CDH18: variants seen among roughly 807,000 people sequenced by gnomAD.
The protein encoded by CDH18 is cadherin 18.
In CDH18, 31 loss-of-function variants were observed where a neutral mutation model predicts 67.9. That is an observed-to-expected ratio of 0.46 (90% CI 0.34 to 0.62). The LOEUF is 0.62. Among genes scored for constraint, CDH18 ranks in the 20% least tolerant of loss-of-function variants. The probability of loss-of-function intolerance (pLI) is 0.01; values close to 1 mark genes in which losing one functional copy is unlikely to be tolerated. For missense variants in CDH18, 890 were observed against 975.5 expected, an observed-to-expected ratio of 0.91 and a Z score of 1.17; for synonymous variants, 362 against 347.2, an observed-to-expected ratio of 1.04 and a Z score of -0.48.
chr5:19,796,563 A>T (rs1280062192), intron 3 of CDH18, among the ~76,000 whole-genome samples: 1 of 152,140 alleles, frequency 6.6e-6, no homozygotes, highest in Non-Finnish European at 1.5e-5. Flanking sequence ...GACATACCTT[A>T]TTGGTTGGCT....
At chr5:19,953,043 A>T (rs1008124504) in intron 2 of CDH18, among the ~76,000 whole-genome samples, 1 of 152,076 alleles carries the variant, frequency 6.6e-6, no homozygotes, top group African/African-American at 2.4e-5. Flanking sequence ...ATATTTTAAG[A>T]CTCAACTTCT....
Position 19,473,103 on chromosome 5 carries a change from C to T in CDH18, c.*123G>A. On this transcript the variant is annotated 3_prime_UTR_variant, in exon 13 of 13. Transcript: ENST00000382275. ...ATCATGAAAAGGGCACTTGTTTCTA[C>T]AGGAGCTGTGTCCAGCTTCCTCAGT... The T allele has an allele frequency of 9.1e-7, 1 of 1,099,560 alleles. No individual in the cohort carries two copies. The highest frequency in any genetic ancestry group is 1.3e-6 in the Non-Finnish European group (1 of 773,658). 68.1% of individuals were successfully genotyped at this position (1,099,560 alleles called of 1,614,324 possible). A position where few individuals can be genotyped will look rare whatever the true frequency, so the allele number is the denominator to read the frequency against.
intron 2 of CDH18, among the ~76,000 whole-genome samples, chr5:20,163,342 A>G (rs1736043128): frequency 6.6e-6 from 1 of 152,152 alleles, no homozygotes; most frequent in Non-Finnish European, 1.5e-5. Flanking sequence ...TTTTCTAAAA[A>G]AAGTATCATT....
intron 5 of CDH18, among the ~76,000 whole-genome samples, chr5:19,662,665 G>A (rs1206214156): frequency 6.6e-6 from 1 of 151,924 alleles, no homozygotes; most frequent in African/African-American, 2.4e-5. Context: ...CATATGTGCA[G>A]CACTACATCT....
intron 1 of CDH18, among the ~76,000 whole-genome samples, chr5:20,500,451 T>G (rs1017157017): frequency 3.9e-5 from 6 of 151,976 alleles, no homozygotes; most frequent in Non-Finnish European, 5.9e-5. Context: ...ATTATAGGAG[T>G]GAATTGGCCA....
chr5:20,533,249 C>T (rs1167565455), intron 1 of CDH18, among the ~76,000 whole-genome samples: 1 of 152,018 alleles, frequency 6.6e-6, no homozygotes, highest in Non-Finnish European at 1.5e-5. Context: ...AGAAGAAACC[C>T]ACCCTGCCAA....
intron 2 of CDH18, among the ~76,000 whole-genome samples, chr5:20,225,832 G>T (rs963065105): frequency 6.6e-6 from 1 of 152,098 alleles, no homozygotes; most frequent in African/African-American, 2.4e-5. Flanking sequence ...ATGTGAAATG[G>T]AAACTTTTAA....
chr5:19,640,257 A>C (rs976303327), intron 5 of CDH18, among the ~76,000 whole-genome samples: 1 of 152,288 alleles, frequency 6.6e-6, no homozygotes, highest in South Asian at 2.1e-4. Context: ...TTTAAAAACT[A>C]ATCATTAAAA....
intron 2 of CDH18, among the ~76,000 whole-genome samples, chr5:20,221,064 A>T (rs2126448370): frequency 6.6e-6 from 1 of 152,170 alleles, no homozygotes; most frequent in Non-Finnish European, 1.5e-5. Flanking sequence ...CAGTTTGGAC[A>T]TTTCTTGAAA....
chr5:19,512,023 C>T (rs993296978), intron 10 of CDH18, among the ~76,000 whole-genome samples: 1 of 152,138 alleles, frequency 6.6e-6, no homozygotes, highest in East Asian at 1.9e-4. Context: ...CAGGACCATG[C>T]TGCTTTGTGC....
chr5:20,348,825 T>C (rs1474407625), intron 1 of CDH18, among the ~76,000 whole-genome samples: 1 of 152,140 alleles, frequency 6.6e-6, no homozygotes, highest in Non-Finnish European at 1.5e-5. Context: ...TATAAGCAGA[T>C]CCATTGTTCC....
chr5:20,442,121 A>G (rs1212123562), intron 1 of CDH18, among the ~76,000 whole-genome samples: 1 of 152,002 alleles, frequency 6.6e-6, no homozygotes, highest in Admixed American at 6.5e-5. Flanking sequence ...GCTGCATTAC[A>G]AGAGTCCGTG....
intron 1 of CDH18, among the ~76,000 whole-genome samples, chr5:20,363,738 T>G (rs1005445031): frequency 2.0e-5 from 3 of 152,034 alleles, no homozygotes; most frequent in Non-Finnish European, 4.4e-5. Flanking sequence ...TTTTTACACT[T>G]TCTCAGTTCC....
intron 3 of CDH18, among the ~76,000 whole-genome samples, chr5:19,822,680 T>A (rs1008705995): frequency 2.0e-5 from 3 of 152,024 alleles, no homozygotes; most frequent in Non-Finnish European, 4.4e-5. Flanking sequence ...CTTCACAAGG[T>A]AATAGAATAT....
intron 2 of CDH18, among the ~76,000 whole-genome samples, chr5:20,020,823 C>T (rs1738348442): frequency 6.6e-6 from 1 of 152,152 alleles, no homozygotes; most frequent in South Asian, 2.1e-4. Context: ...AAACAGAGTT[C>T]CCACTGGAGC....
intron 2 of CDH18, among the ~76,000 whole-genome samples, chr5:19,895,944 G>A (rs1401986132): frequency 6.6e-6 from 1 of 151,972 alleles, no homozygotes; most frequent in Non-Finnish European, 1.5e-5. Flanking sequence ...AAATCTAAAC[G>A]TGGAAGACTG....
intron 1 of CDH18, among the ~76,000 whole-genome samples, chr5:20,511,416 T>C (rs1264538163): frequency 1.3e-5 from 2 of 152,062 alleles, no homozygotes; most frequent in Non-Finnish European, 2.9e-5. Context: ...ATGGATAAAC[T>C]GTCCCAGAGA....
rs1174080492 is a variant in CDH18, at chr5:20,278,707, G to A, written c.-579-23202C>T. 3.3e-5 allele frequency among the ~76,000 whole-genome samples: 5 copies of A among 152,100 alleles called. 1 individual carries two copies. The highest frequency in any genetic ancestry group is 3.9e-4 in the East Asian group (2 of 5,178). ...AAATAATAACTACAATACAAAGAAC[G>A]AACAGTTAAAAAGTAGGGTGATAAA... On this transcript the variant is annotated intron_variant, in intron 1 of 14. Transcript: ENST00000507958.
At chr5:20,008,430 T>G (rs1461597802) in intron 2 of CDH18, among the ~76,000 whole-genome samples, 1 of 152,168 alleles carries the variant, frequency 6.6e-6, no homozygotes, top group South Asian at 2.1e-4. Flanking sequence ...TGAAAAATTA[T>G]GAGAGCTGGT....
Sources: gnomAD v4.1 joint callset for allele counts (sites outside exome capture counted in the v4.1 genomes callset) on GRCh38, gnomAD v4.1.1 for gene constraint, MANE v1.5 for transcripts, NCBI Gene and HGNC (gene_info 2026-07-23, HGNC 2026-07-21) for gene names.